BTBD16: variants seen among roughly 807,000 people sequenced by gnomAD.
BTBD16 encodes BTB/POZ domain-containing protein 16.
BTBD16 carries 66 observed loss-of-function variants against 67.4 expected under a neutral mutation model. That is an observed-to-expected ratio of 0.98 (90% CI 0.80 to 1.20). The LOEUF is 1.20. Ranked by LOEUF, BTBD16 falls within the 50% of genes most tolerant of loss-of-function variation. The pLI is 0.00. For synonymous variants in BTBD16, 242 were observed against 236.4 expected (o/e 1.02, Z -0.22); for missense variants, 634 against 616.0 (o/e 1.03, Z -0.31).
chr10:122,332,552 C>T (rs778468955), intron 13 of BTBD16, 39 bp downstream of exon 13: 3 of 1,587,298 alleles, frequency 1.9e-6, no homozygotes, highest in Middle Eastern at 3.3e-4. Flanking sequence ...AAGAACTGTT[C>T]CTCTCGTGCT....
intron 1 of BTBD16, among the ~76,000 whole-genome samples, chr10:122,274,670 G>A (rs1188285585): frequency 6.6e-6 from 1 of 152,122 alleles, no homozygotes; most frequent in African/African-American, 2.4e-5. Flanking sequence ...CCATTGTCCA[G>A]GCCTAATTAT....
At chr10:122,276,451 C>T (rs997054221) in intron 2 of BTBD16, among the ~76,000 whole-genome samples, 2 of 152,196 alleles carry the variant, frequency 1.3e-5, no homozygotes, top group Non-Finnish European at 2.9e-5. Flanking sequence ...AGTTAGGATA[C>T]GTACTCAAAG....
At chr10:122,311,336 T>A (rs2096413371) in intron 10 of BTBD16, among the ~76,000 whole-genome samples, 1 of 152,178 alleles carries the variant, frequency 6.6e-6, no homozygotes, top group Admixed American at 6.5e-5. Context: ...AACACACACC[T>A]GTGTGCACAT....
At chr10:122,302,505 A>G (rs542316785) in intron 9 of BTBD16, among the ~76,000 whole-genome samples, 54 of 152,250 alleles carry the variant, frequency 3.5e-4, no homozygotes, top group African/African-American at 1.2e-3. Flanking sequence ...TGTGTCTCCA[A>G]TTCTCCCTGA....
intron 7 of BTBD16, among the ~76,000 whole-genome samples, chr10:122,292,467 C>T (rs1322587085): frequency 4.6e-5 from 7 of 152,364 alleles, no homozygotes; most frequent in East Asian, 1.9e-4. Flanking sequence ...AGCCAGGACT[C>T]GTAGGTCAGG....
At chr10:122,307,153 T>C (rs756758410) in intron 9 of BTBD16, 36 bp from the exon 10 acceptor site, 10 of 1,568,482 alleles carry the variant, frequency 6.4e-6, no homozygotes, top group Non-Finnish European at 8.6e-6. Context: ...TTGTGCTATT[T>C]CTGAAATTTC....
intron 8 of BTBD16, among the ~76,000 whole-genome samples, chr10:122,298,593 C>T (rs771669101): frequency 1.3e-5 from 2 of 152,142 alleles, no homozygotes; most frequent in African/African-American, 2.4e-5. Flanking sequence ...AGAACTCCTG[C>T]GAGGTACACC....
rs1438861319 is a variant in BTBD16 at position 122,284,063 on chromosome 10, A to T, written c.241+139A>T. 1.2e-5 allele frequency: 8 copies of T among 651,578 alleles called. No individual in the cohort carries two copies. In the Admixed American group the frequency reaches 1.3e-4, roughly 11 times the overall value. 40.4% of individuals were successfully genotyped at this position (651,578 alleles called of 1,614,324 possible). On this transcript the variant is annotated intron_variant, in intron 4 of 15. Coordinates refer to ENST00000260723, the MANE Select transcript of BTBD16 (RefSeq NM_144587.5). ...AATTCTCATCCACTTCCCAGCGTCTAAGAAATAATAGGTGCCCGGTAAATA... is the reference window on the plus strand; with the variant it reads ...AATTCTCATCCACTTCCCAGCGTCTTAGAAATAATAGGTGCCCGGTAAATA...
chr10:122,276,345 G>A (rs2096340467), intron 2 of BTBD16, among the ~76,000 whole-genome samples: 1 of 152,088 alleles, frequency 6.6e-6, no homozygotes, highest in Non-Finnish European at 1.5e-5. Context: ...ATTGTACACT[G>A]TAAAATAGAT....
chr10:122,331,004 A>G (rs1436054929), intron 11 of BTBD16, among the ~76,000 whole-genome samples, 172 bp from the exon 12 acceptor site: 1 of 152,250 alleles, frequency 6.6e-6, no homozygotes, highest in Admixed American at 6.5e-5. Context: ...ACATAACCAC[A>G]GTGACCCTGA....
intron 10 of BTBD16, among the ~76,000 whole-genome samples, chr10:122,320,172 A>C (rs1368488447): frequency 6.6e-6 from 1 of 152,144 alleles, no homozygotes; most frequent in African/African-American, 2.4e-5. Context: ...CTTCCTTTCT[A>C]TCTGTATGCC....
At chr10:122,292,317 C>T (rs57310679) in intron 7 of BTBD16, among the ~76,000 whole-genome samples, 16,888 of 152,226 alleles carry the variant, frequency 0.11, 1,637 homozygotes, top group African/African-American at 0.26. Context: ...AGTTCTCAGC[C>T]CCTTGCAGGG....
At chr10:122,287,489 G>T in intron 5 of BTBD16, 2 of 985,418 alleles carry the variant, frequency 2.0e-6, no homozygotes, top group Non-Finnish European at 2.4e-6. Context: ...TGAGAGACAA[G>T]AGGGAAGGTG....
At chr10:122,326,745 G>A (rs1343730504) in intron 10 of BTBD16, among the ~76,000 whole-genome samples, 1 of 152,186 alleles carries the variant, frequency 6.6e-6, no homozygotes, top group Non-Finnish European at 1.5e-5. Context: ...TCTTTCAGTA[G>A]CAAGGAACTG....
intron 3 of BTBD16, 102 bp from the exon 4 acceptor site, chr10:122,283,749 A>G (rs773197784): frequency 4.6e-6 from 4 of 868,958 alleles, no homozygotes; most frequent in Non-Finnish European, 7.5e-6. Flanking sequence ...TAGCTTGATC[A>G]ATGGGTGCTT....
At chr10:122,277,834 A>T (rs1234485985) in intron 3 of BTBD16, among the ~76,000 whole-genome samples, 3 of 152,200 alleles carry the variant, frequency 2.0e-5, no homozygotes, top group Non-Finnish European at 4.4e-5. Flanking sequence ...GGTTTGGAGG[A>T]AACAAACATG....
intron 10 of BTBD16, chr10:122,328,755 A>G (rs1478963320): frequency 1.0e-6 from 1 of 985,192 alleles, no homozygotes; most frequent in Non-Finnish European, 1.2e-6. Context: ...TTGTGAAGTG[A>G]GTTATTTCAA....
intron 6 of BTBD16, 98 bp downstream of exon 6, chr10:122,290,096 C>G: frequency 2.5e-6 from 2 of 799,346 alleles, no homozygotes; most frequent in Non-Finnish European, 4.1e-6. Flanking sequence ...AACAAACCAA[C>G]AGTAGACAGT....
At chr10:122,288,505 C>A (rs1032760462) in intron 5 of BTBD16, among the ~76,000 whole-genome samples, 6 of 152,104 alleles carry the variant, frequency 3.9e-5, no homozygotes, top group Non-Finnish European at 4.4e-5. Flanking sequence ...TTATCTGGAA[C>A]CTTGAGCTCC....
Sources: gnomAD v4.1 joint callset for allele counts (sites outside exome capture counted in the v4.1 genomes callset) on GRCh38, gnomAD v4.1.1 for gene constraint, MANE v1.5 for transcripts, NCBI Gene and HGNC (gene_info 2026-07-23, HGNC 2026-07-21) for gene names.